The following BPIFC variants were observed in gnomAD, a reference collection of about 807,000 sequenced individuals.
BPIFC encodes BPI fold-containing family C protein.
In BPIFC, 60 loss-of-function variants were observed where a neutral mutation model predicts 57.6. The ratio of observed to expected loss-of-function variants is 1.04; its 90% CI spans 0.85 to 1.29. The LOEUF is 1.29. BPIFC is among the 50% of genes most tolerant of loss of function. The pLI is 0.00. For missense variants in BPIFC, 581 were observed against 600.5 expected (o/e 0.97, Z 0.34); for synonymous variants, 243 against 224.5 (o/e 1.08, Z -0.74).
intron 10 of BPIFC, 60 bp downstream of exon 10, chr22:32,435,644 G>A (rs1471920618): frequency 1.3e-6 from 2 of 1,530,516 alleles, no homozygotes; most frequent in East Asian, 4.5e-5. Flanking sequence ...TCTACAATAG[G>A]ATACTTATAA....
intron 7 of BPIFC, 115 bp from the exon 8 acceptor site, chr22:32,442,846 T>G: frequency 1.0e-6 from 1 of 960,094 alleles, no homozygotes; most frequent in South Asian, 1.5e-5. Context: ...CATTATCCCT[T>G]TGGTCATCGA....
intron 12 of BPIFC, 109 bp from the exon 13 acceptor site, chr22:32,431,523 TAA>T: frequency 1.4e-6 from 1 of 738,430 alleles, no homozygotes; most frequent in Admixed American, 2.4e-5. Context: ...CCCCTTAGTG[TAA>T]AGACATTGGA....
intron 13 of BPIFC, among the ~76,000 whole-genome samples, chr22:32,420,492 G>A (rs572368307): frequency 2.0e-5 from 3 of 152,042 alleles, no homozygotes; most frequent in East Asian, 1.9e-4. Context: ...CTGTTCAATC[G>A]TTGCAGATAA....
In BPIFC at chr22:32,464,412, C is replaced by G; in HGVS notation, c.-127G>C. On this transcript the variant is annotated 5_prime_UTR_variant, in exon 1 of 17. Transcript: ENST00000300399. Reference sequence around the variant, plus strand: ...AGTGTCCAAAGCTGGAGAGCACCTTCGATTCTCTCTGCCTTTGAAGCTGAT... The same window carrying G: ...AGTGTCCAAAGCTGGAGAGCACCTTGGATTCTCTCTGCCTTTGAAGCTGAT... 4.1e-6 allele frequency: 4 copies of G among 985,296 alleles called. No homozygotes were observed. The highest frequency in any genetic ancestry group is 4.8e-6 in the Non-Finnish European group (4 of 829,924). 61.0% of individuals were successfully genotyped at this position (985,296 alleles called of 1,614,324 possible). A position where few individuals can be genotyped will look rare whatever the true frequency, so the allele number is the denominator to read the frequency against.
intron 9 of BPIFC, among the ~76,000 whole-genome samples, chr22:32,437,176 A>G (rs1934430046): frequency 6.6e-6 from 1 of 152,040 alleles, no homozygotes; most frequent in Non-Finnish European, 1.5e-5. Context: ...CCTCAAACCT[A>G]CTCCTAGGGG....
intron 12 of BPIFC, among the ~76,000 whole-genome samples, chr22:32,432,066 C>T (rs193247551): frequency 2.0e-4 from 31 of 152,180 alleles, no homozygotes; most frequent in African/African-American, 6.5e-4. Context: ...TCCTGAGTAG[C>T]TAGGATGACA....
chr22:32,414,306 A>G lies in BPIFC; in HGVS notation c.1521T>C (p.Pro507=). The G allele has an allele frequency of 1.2e-6, 2 of 1,612,882 alleles. No homozygotes were observed. Among genetic ancestry groups the G allele is most frequent in the Non-Finnish European group, 1.7e-6 (2 of 1,179,524 alleles). ...ISRQWRGKSA[P] Reference sequence around the variant, plus strand: ...GGGGTGAATTGCAAACCGGCAATCAAGGGGCTGACTTCCCCCTCCACTGTC... The same window carrying G: ...GGGGTGAATTGCAAACCGGCAATCAGGGGGCTGACTTCCCCCTCCACTGTC... Residue 507 remains proline, a synonymous_variant, in exon 17 of 17, where the codon CCT becomes CCC. Transcript: ENST00000300399.
In BPIFC at chr22:32,447,435, G is replaced by A. The variant is rs536024125; in HGVS notation, c.246-95C>T. ...ACACAGTTGCAGAGCTCTTACCATT[G>A]AGGCCATTGTGAACTCCTACAGAGA... is the stretch of plus-strand genomic sequence containing the variant. On this transcript the variant is annotated intron_variant, in intron 4 of 16. Transcript: ENST00000300399. The A allele has an allele frequency of 6.9e-5, 100 of 1,447,022 alleles. 1 individual carries two copies. In the South Asian group the frequency reaches 1.1e-3, roughly 15 times the overall value. 89.6% of individuals were successfully genotyped at this position (1,447,022 alleles called of 1,614,324 possible).
chr22:32,446,435 A>G (rs1934732238), intron 5 of BPIFC, among the ~76,000 whole-genome samples: 1 of 152,228 alleles, frequency 6.6e-6, no homozygotes, highest in Non-Finnish European at 1.5e-5. Context: ...CATGTCCCCA[A>G]GACTTAGCAT....
rs185456915 is a variant in BPIFC at position 32,419,253 on chromosome 22, G to A, written c.1260+109C>T. The A allele has an allele frequency of 8.6e-6, 10 of 1,159,352 alleles. No individual in the cohort carries two copies. The East Asian group carries it at 2.5e-4, about 28-fold the overall frequency. The allele number at this position is 1,159,352 out of a possible 1,614,324, so 71.8% of individuals were successfully genotyped here. A position where few individuals can be genotyped will look rare whatever the true frequency, so the allele number is the denominator to read the frequency against. On this transcript the variant is annotated intron_variant, in intron 14 of 16. Transcript: ENST00000300399. ...TTCAAAGTTAAGTCCTACAATTATG[G>A]AGGAATCAAGGACTCCAAGTCACAG...
rs562322062 is a variant in BPIFC at position 32,429,409 on chromosome 22, T to C, written c.1217+1938A>G. 3.3e-3 allele frequency among the ~76,000 whole-genome samples: 505 copies of C among 151,964 alleles called. 3 individuals carry two copies. Among genetic ancestry groups the C allele is most frequent in the Non-Finnish European group, 5.8e-3 (391 of 67,990 alleles). ...TTTCAGTAGAGACGGGGTTTCACCA[T>C]GTTAGCCAGGATGGTCTCGATCTCC... is the stretch of plus-strand genomic sequence containing the variant. On this transcript the variant is annotated intron_variant, in intron 13 of 16. Coordinates refer to ENST00000300399, the MANE Select transcript of BPIFC (RefSeq NM_174932.3).
intron 4 of BPIFC, among the ~76,000 whole-genome samples, chr22:32,448,757 G>C (rs1343340596): frequency 6.6e-6 from 1 of 152,046 alleles, no homozygotes; most frequent in Non-Finnish European, 1.5e-5. Context: ...GGCCAACATA[G>C]TGAAACCCCG....
intron 4 of BPIFC, among the ~76,000 whole-genome samples, chr22:32,451,209 T>G (rs1934887112): frequency 6.6e-6 from 1 of 152,214 alleles, no homozygotes; most frequent in South Asian, 2.1e-4. Flanking sequence ...GAACTCATCA[T>G]TTTTTATGGC....
chr22:32,461,495 A>AG, intron 2 of BPIFC, 79 bp downstream of exon 2: 1 of 736,702 alleles, frequency 1.4e-6, no homozygotes, highest in Non-Finnish European at 1.7e-6. Flanking sequence ...GAGTGGGATA[A>AG]GGGGGTGTAA....
rs1463723969 is a variant in BPIFC, at chr22:32,464,435, G to A, written c.-150C>T. The A allele has an allele frequency of 1.0e-6, 1 of 985,214 alleles. No homozygotes were observed. The highest frequency in any genetic ancestry group is 1.2e-6 in the Non-Finnish European group (1 of 829,922). 61.0% of individuals were successfully genotyped at this position (985,214 alleles called of 1,614,324 possible). ...TTCGATTCTCTCTGCCTTTGAAGCT[G>A]ATGTGTTCTCCACCTTGCGCCTTAA... On this transcript the variant is annotated 5_prime_UTR_variant, in exon 1 of 17. Coordinates refer to ENST00000300399, the MANE Select transcript of BPIFC (RefSeq NM_174932.3).
chr22:32,435,619 T>C (rs981796746), intron 10 of BPIFC, 85 bp downstream of exon 10: 12 of 1,416,920 alleles, frequency 8.5e-6, no homozygotes, highest in South Asian at 2.8e-5. Flanking sequence ...AGAATCGAAA[T>C]TGTGGCATAA....
Position 32,453,502 on chromosome 22 carries a change from A to G in BPIFC, c.126T>C (p.Gly42=), listed in dbSNP as rs1934954139. The G allele has an allele frequency of 6.3e-7, 1 of 1,577,908 alleles. No individual in the cohort carries two copies. The highest frequency in any genetic ancestry group is 2.0e-5 in the Admixed American group (1 of 50,044). The change falls in exon 4 of 17, where the codon GGT becomes GGC. Residue 42 remains glycine, a splice_region_variant and synonymous_variant. Transcript: ENST00000300399. ...CAATCATCTTCATTCCAGCTTGAAC[A>G]CCTGTGAAGGAAACAAGAAAGAATC... The part of the protein sequence containing the change: ...ARITQRALDY[G]VQAGMKMIEQ...
At chr22:32,441,105 A>T (rs1403983865) in intron 8 of BPIFC, among the ~76,000 whole-genome samples, 1 of 151,538 alleles carries the variant, frequency 6.6e-6, no homozygotes, top group East Asian at 1.9e-4. Flanking sequence ...CCCTGCTCCT[A>T]GTGTGTCCTT....
Position 32,457,321 on chromosome 22 carries a change from G to C in BPIFC, c.66C>G (p.Ser22=). ...TGATTCCAGGGTAAATGGTCTGAGA[G>C]GATGAGACATAGAGATTCCACAGGA... ...CFLLWNLYVS[S]SQTIYPGIKA... Residue 22 remains serine, a synonymous_variant, in exon 3 of 17, where the codon TCC becomes TCG. Coordinates refer to ENST00000300399, the MANE Select transcript of BPIFC (RefSeq NM_174932.3). The C allele has an allele frequency of 6.2e-7, 1 of 1,610,802 alleles. No homozygotes were observed. Among genetic ancestry groups the C allele is most frequent in the Non-Finnish European group, 8.5e-7 (1 of 1,179,128 alleles).
Sources: gnomAD v4.1 joint callset for allele counts (sites outside exome capture counted in the v4.1 genomes callset) on GRCh38, gnomAD v4.1.1 for gene constraint, MANE v1.5 for transcripts, NCBI Gene and HGNC (gene_info 2026-07-23, HGNC 2026-07-21) for gene names.